DYNC1I1: variants seen among roughly 807,000 people sequenced by gnomAD.
The protein encoded by DYNC1I1 is cytoplasmic dynein 1 intermediate chain 1.
In DYNC1I1, 43 loss-of-function variants were observed where a neutral mutation model predicts 86.6. The observed-to-expected ratio is 0.50, with a 90% CI of 0.39 to 0.64. The LOEUF is 0.64. DYNC1I1 is among the 30% of genes least tolerant of loss of function. DYNC1I1 has a pLI of 0.00. For missense variants in DYNC1I1, 604 were observed against 788.8 expected (o/e 0.77, Z 2.81); for synonymous variants, 262 against 283.7 (o/e 0.92, Z 0.77).
chr7:95,844,253 A>G (rs1422732407), intron 5 of DYNC1I1, among the ~76,000 whole-genome samples: 5 of 152,198 alleles, frequency 3.3e-5, no homozygotes, highest in African/African-American at 1.2e-4. Context: ...TCCTTTACGT[A>G]TTAGTATATC....
chr7:95,962,651 T>C (rs1443196099), intron 6 of DYNC1I1, among the ~76,000 whole-genome samples: 2 of 152,172 alleles, frequency 1.3e-5, no homozygotes, highest in Non-Finnish European at 2.9e-5. Flanking sequence ...ACAATTCTGT[T>C]ATGTAAGGAG....
At chr7:95,925,780 T>C (rs1162052415) in intron 6 of DYNC1I1, among the ~76,000 whole-genome samples, 2 of 152,194 alleles carry the variant, frequency 1.3e-5, no homozygotes, top group Non-Finnish European at 2.9e-5. Context: ...GTTTCTTTCT[T>C]ATGCCAGTTT....
chr7:96,058,800 A>ATTTTTT (rs35348142), intron 14 of DYNC1I1, among the ~76,000 whole-genome samples: 2 of 98,740 alleles, frequency 2.0e-5, no homozygotes, highest in African/African-American at 4.3e-5. Context: ...TGCCTGGCTA[A>ATTTTTT]TTTTTTTTTT....
intron 5 of DYNC1I1, among the ~76,000 whole-genome samples, chr7:95,832,674 G>T (rs1788946053): frequency 6.6e-6 from 1 of 152,094 alleles, no homozygotes; most frequent in African/African-American, 2.4e-5. Flanking sequence ...ACTGGTGTGA[G>T]ATGGTATCTC....
rs573158000 is a variant in DYNC1I1 at position 95,984,899 on chromosome 7, G to T, written c.665G>T (p.Arg222Leu). ...EFLIFFDRTI[R>L]VIERALAEDS... ...CTCATCTTTTTTGACCGGACAATACGGGTAATTGAAAGAGCCCTGGCTGAA... is the reference window on the plus strand; with the variant it reads ...CTCATCTTTTTTGACCGGACAATACTGGTAATTGAAAGAGCCCTGGCTGAA... The change falls in exon 8 of 17, where the codon CGG becomes CTG. Residue 222 changes from arginine to leucine, a missense_variant. By Grantham distance (102) the Arg-to-Leu change is moderately radical. Coordinates refer to ENST00000447467, the MANE Select transcript of DYNC1I1 (RefSeq NM_001135556.2). 6.2e-7 allele frequency: 1 copy of T among 1,613,550 alleles called. No homozygotes were observed. Among genetic ancestry groups the T allele is most frequent in the Non-Finnish European group, 8.5e-7 (1 of 1,179,712 alleles).
intron 6 of DYNC1I1, among the ~76,000 whole-genome samples, chr7:95,957,972 A>G (rs1792763493): frequency 6.6e-6 from 1 of 152,180 alleles, no homozygotes; most frequent in Non-Finnish European, 1.5e-5. Context: ...GAGTGGTTCT[A>G]TATGTCATAG....
chr7:95,872,318 C>T (rs1160110580), intron 6 of DYNC1I1, among the ~76,000 whole-genome samples: 1 of 152,194 alleles, frequency 6.6e-6, no homozygotes, highest in Non-Finnish European at 1.5e-5. Flanking sequence ...GCATATATAA[C>T]ATCCACTTTG....
chr7:96,023,280 C>T (rs1362241332), intron 10 of DYNC1I1, among the ~76,000 whole-genome samples: 1 of 152,156 alleles, frequency 6.6e-6, no homozygotes, highest in East Asian at 1.9e-4. Flanking sequence ...AGAGATGGTA[C>T]TTGAAATAGG....
intron 1 of DYNC1I1, among the ~76,000 whole-genome samples, chr7:95,777,145 C>T (rs756624553): frequency 2.0e-5 from 3 of 152,132 alleles, no homozygotes; most frequent in Non-Finnish European, 2.9e-5. Context: ...TATGTTCACA[C>T]ACTGATAGGA....
chr7:95,853,176 C>G (rs1360389003), intron 5 of DYNC1I1, among the ~76,000 whole-genome samples: 1 of 152,146 alleles, frequency 6.6e-6, no homozygotes, highest in Non-Finnish European at 1.5e-5. Context: ...AAATGTTTGT[C>G]TCCTAAACTC....
intron 6 of DYNC1I1, among the ~76,000 whole-genome samples, chr7:95,911,984 A>C (rs1296297967): frequency 6.6e-6 from 1 of 152,194 alleles, no homozygotes; most frequent in African/African-American, 2.4e-5. Flanking sequence ...GTGAACAGGT[A>C]ATCCAAACTT....
downstream of DYNC1I1, among the ~76,000 whole-genome samples, chr7:96,101,433 G>A (rs1370683854): frequency 2.6e-5 from 4 of 152,152 alleles, no homozygotes; most frequent in South Asian, 6.2e-4. Context: ...ACACCAGGAG[G>A]GAGGACACCA....
At chr7:96,003,842 C>T (rs1051348513) in intron 10 of DYNC1I1, among the ~76,000 whole-genome samples, 2 of 151,828 alleles carry the variant, frequency 1.3e-5, no homozygotes, top group African/African-American at 2.4e-5. Flanking sequence ...GACTCCAGAC[C>T]ATCTATTTTT....
Position 95,987,123 on chromosome 7 carries a change from C to T in DYNC1I1, c.811C>T (p.Arg271Ter). Residue 271 changes from arginine (R) to a stop codon, truncating the protein, a stop_gained, in exon 9 of 17, where the codon CGA becomes TGA. Coordinates refer to ENST00000447467, the MANE Select transcript of DYNC1I1 (RefSeq NM_001135556.2). LOFTEE classifies it high-confidence loss of function. ...QFYDEHWSKH[R>*]VVTCMDWSLQ... ...CTATGATGAACATTGGTCCAAGCAT[C>T]GAGTGGTCACTTGTATGGACTGGTC... 3.1e-6 allele frequency: 5 copies of T among 1,613,908 alleles called. No individual in the cohort carries two copies. Among genetic ancestry groups the T allele is most frequent in the Non-Finnish European group, 2.5e-6 (3 of 1,179,876 alleles).
At chr7:95,908,778 C>A (rs1791243124) in intron 6 of DYNC1I1, among the ~76,000 whole-genome samples, 1 of 152,146 alleles carries the variant, frequency 6.6e-6, no homozygotes, top group Non-Finnish European at 1.5e-5. Context: ...GAGTGCTCGG[C>A]AGGGCATCCC....
rs1186779755 is a variant in DYNC1I1, at chr7:96,097,759, A to G, written c.*166A>G. 1.0e-5 allele frequency: 14 copies of G among 1,342,316 alleles called. No homozygotes were observed. The highest frequency in any genetic ancestry group is 1.2e-5 in the Non-Finnish European group (13 of 1,041,998). The allele number at this position is 1,342,316 out of a possible 1,614,324, so 83.2% of individuals were successfully genotyped here. On this transcript the variant is annotated 3_prime_UTR_variant, in exon 17 of 17. Coordinates refer to ENST00000447467, the MANE Select transcript of DYNC1I1 (RefSeq NM_001135556.2). ...CCAAGTATTCTAAATGTGTCCCATC[A>G]TGCTTTCCACTGACCCAAAATTCAC... is the stretch of plus-strand genomic sequence containing the variant.
chr7:95,887,489 T>G (rs1790624916), intron 6 of DYNC1I1, among the ~76,000 whole-genome samples: 1 of 152,174 alleles, frequency 6.6e-6, no homozygotes. Context: ...TTCCCCGTCC[T>G]CTTTTTAGTT....
At chr7:95,975,845 A>T (rs1018052623) in intron 6 of DYNC1I1, among the ~76,000 whole-genome samples, 1 of 152,180 alleles carries the variant, frequency 6.6e-6, no homozygotes, top group Non-Finnish European at 1.5e-5. Flanking sequence ...TCCAAGGATT[A>T]CTGAAAGAGG....
At chr7:95,942,219 T>A (rs1256230908) in intron 6 of DYNC1I1, among the ~76,000 whole-genome samples, 1 of 152,112 alleles carries the variant, frequency 6.6e-6, no homozygotes, top group Non-Finnish European at 1.5e-5. Flanking sequence ...AAATACAAAC[T>A]ACCATCCGAG....
Sources: gnomAD v4.1 joint callset for allele counts (sites outside exome capture counted in the v4.1 genomes callset) on GRCh38, gnomAD v4.1.1 for gene constraint, MANE v1.5 for transcripts, NCBI Gene and HGNC (gene_info 2026-07-23, HGNC 2026-07-21) for gene names.